The following SCARB2 variants were observed in gnomAD, a reference collection of about 807,000 sequenced individuals.
SCARB2 encodes lysosome membrane protein 2.
A neutral mutation model predicts 58.6 loss-of-function variants in SCARB2; 29 were observed. That is an observed-to-expected ratio of 0.49 (90% CI 0.37 to 0.67). The LOEUF is 0.67. SCARB2 is among the 30% of genes least tolerant of loss of function. SCARB2 has a pLI of 0.00. For missense variants in SCARB2, 488 were observed against 578.5 expected (o/e 0.84, Z 1.60); for synonymous variants, 195 against 210.1 (o/e 0.93, Z 0.62).
intron 9 of SCARB2, chr4:76,166,583 C>T (rs746784328): frequency 2.2e-5 from 11 of 508,608 alleles, no homozygotes; most frequent in East Asian, 3.6e-5. Flanking sequence ...AGGCTCCAGT[C>T]GACAGAACAA....
At chr4:76,217,610 GC>G (rs1427384114), upstream of SCARB2, 1 of 597,502 alleles carries the variant, frequency 1.7e-6, no homozygotes, top group Non-Finnish European at 3.0e-6. Context: ...CTCATCCAAT[GC>G]AGATGTCTGT....
In SCARB2 at chr4:76,189,262, T is replaced by C. The variant is rs140186328; in HGVS notation, c.275+6445A>G. 7.2e-5 allele frequency among the ~76,000 whole-genome samples: 11 copies of C among 152,320 alleles called. No individual in the cohort carries two copies. In the East Asian group the frequency reaches 1.9e-3, roughly 27 times the overall value. ...TGCAATTAGTCACTGTCATAATGGA[T>C]GCACATATTTATTAGTCTGTTCTCA... On this transcript the variant is annotated intron_variant, in intron 2 of 11. Transcript: ENST00000264896.
chr4:76,175,588 G>A, intron 6 of SCARB2: 1 of 630,634 alleles, frequency 1.6e-6, no homozygotes, highest in Non-Finnish European at 2.7e-6. Context: ...ATAAGTGGTA[G>A]AGCCAAGATT....
chr4:76,207,611 T>C (rs866422312), intron 1 of SCARB2, among the ~76,000 whole-genome samples: 1 of 152,214 alleles, frequency 6.6e-6, no homozygotes, highest in African/African-American at 2.4e-5. Flanking sequence ...GTTACCAGCT[T>C]GGATTAAAAA....
intron 1 of SCARB2, among the ~76,000 whole-genome samples, chr4:76,222,605 G>A (rs997224333): frequency 3.3e-5 from 5 of 152,106 alleles, no homozygotes; most frequent in East Asian, 1.9e-4. Context: ...CTCAAGTTCC[G>A]GGTAATCATC....
chr4:76,181,895 T>C (rs1732394240), intron 2 of SCARB2, among the ~76,000 whole-genome samples: 1 of 152,088 alleles, frequency 6.6e-6, no homozygotes, highest in Non-Finnish European at 1.5e-5. Flanking sequence ...ACAGTTTGGT[T>C]CAAGTTAGAG....
chr4:76,183,395 T>C lies in SCARB2; in HGVS notation c.276-2294A>G, dbSNP rs1732425033. On this transcript the variant is annotated intron_variant, in intron 2 of 11. Transcript: ENST00000264896. ...TGCTTCTGAACTAATGGCTATAAAT[T>C]GGGGTTCCCATCCCCCTGTGCTTGG... 1.3e-5 allele frequency among the ~76,000 whole-genome samples: 2 copies of C among 152,206 alleles called. 1 individual carries two copies. The highest frequency in any genetic ancestry group is 4.1e-4 in the South Asian group (2 of 4,836).
intron 1 of SCARB2, among the ~76,000 whole-genome samples, chr4:76,198,717 C>T (rs919795599): frequency 1.3e-5 from 2 of 152,150 alleles, no homozygotes; most frequent in South Asian, 4.1e-4. Flanking sequence ...TCAAATCTTG[C>T]CCTCAAGAGT....
chr4:76,185,771 A>T (rs778610281), intron 2 of SCARB2, among the ~76,000 whole-genome samples: 34 of 152,180 alleles, frequency 2.2e-4, no homozygotes. Context: ...CTCTGTTGAG[A>T]ATTACTATTA....
intron 1 of SCARB2, among the ~76,000 whole-genome samples, chr4:76,227,846 A>G (rs1008089605): frequency 1.2e-4 from 19 of 152,176 alleles, no homozygotes; most frequent in Admixed American, 3.3e-4. Flanking sequence ...AAGAATAGCT[A>G]TTCCTGCTTG....
At chr4:76,208,699 C>G (rs1444038768) in intron 1 of SCARB2, among the ~76,000 whole-genome samples, 3 of 152,120 alleles carry the variant, frequency 2.0e-5, no homozygotes, top group Non-Finnish European at 4.4e-5. Flanking sequence ...GGTTCTTGCC[C>G]TTTGATTTCT....
At chr4:76,167,133 G>A (rs965234684) in intron 9 of SCARB2, among the ~76,000 whole-genome samples, 4 of 152,136 alleles carry the variant, frequency 2.6e-5, no homozygotes, top group Non-Finnish European at 5.9e-5. Flanking sequence ...TCCAAATTAA[G>A]CTGCAGCATG....
At chr4:76,165,340 G>T (rs1450974209) in intron 10 of SCARB2, 2 of 152,060 alleles carry the variant, frequency 1.3e-5, no homozygotes, top group African/African-American at 4.8e-5. Flanking sequence ...GGAGAAAAAA[G>T]ATATAAAATT....
chr4:76,163,591 TC>T (rs1731944154), intron 10 of SCARB2: 1 of 605,178 alleles, frequency 1.7e-6, no homozygotes, highest in Admixed American at 2.9e-5. Context: ...TTTTTTTTAC[TC>T]TTAAAATAGA....
intron 2 of SCARB2, among the ~76,000 whole-genome samples, chr4:76,184,174 G>C (rs143687707): frequency 6.6e-6 from 1 of 152,152 alleles, no homozygotes; most frequent in Non-Finnish European, 1.5e-5. Context: ...TGGGGACACA[G>C]AGCACAGGCA....
rs777255296 is a variant in SCARB2 at position 76,161,767 on chromosome 4, G to C, written c.1399-16C>G. 2 of 1,614,030 alleles carry C rather than the reference G, an allele frequency of 1.2e-6. No homozygotes were observed. The highest frequency in any genetic ancestry group is 1.7e-6 in the Non-Finnish European group (2 of 1,179,916). On this transcript the variant is annotated splice_polypyrimidine_tract_variant and intron_variant, in intron 11 of 11. Coordinates refer to ENST00000264896, the MANE Select transcript of SCARB2 (RefSeq NM_005506.4). Reference sequence around the variant, plus strand: ...CCGCTGTTCCCTGAAACACAGAAGAGAGAAAACAAGTTAGATGTTCATGTC... The same window carrying C: ...CCGCTGTTCCCTGAAACACAGAAGACAGAAAACAAGTTAGATGTTCATGTC...
intron 1 of SCARB2, among the ~76,000 whole-genome samples, chr4:76,225,740 C>T (rs2109982594): frequency 6.6e-6 from 1 of 152,332 alleles, no homozygotes; most frequent in Admixed American, 6.5e-5. Flanking sequence ...ATGAAACTCA[C>T]TTGATCATGG....
chr4:76,159,229 T>C lies in SCARB2; in HGVS notation c.*2484A>G, dbSNP rs188268891. 6.6e-6 allele frequency: 1 copy of C among 152,350 alleles called. No homozygotes were observed. The highest frequency in any genetic ancestry group is 6.5e-5 in the Admixed American group (1 of 15,302). 9.4% of individuals were successfully genotyped at this position (152,350 alleles called of 1,614,324 possible). On this transcript the variant is annotated 3_prime_UTR_variant, in exon 12 of 12. Coordinates refer to ENST00000264896, the MANE Select transcript of SCARB2 (RefSeq NM_005506.4). ...TTGCATTCTGTGATCATGACAGTGC[T>C]TACAATCACAAAGCCTTTGGGGGTC...
chr4:76,233,270 A>G (rs1337055609), intron 1 of SCARB2, among the ~76,000 whole-genome samples: 1 of 147,258 alleles, frequency 6.8e-6, no homozygotes, highest in Non-Finnish European at 1.5e-5. Context: ...GGTTAGTTCC[A>G]TGTGTCCCCA....
Sources: allele counts gnomAD v4.1 joint callset (sites outside exome capture counted in the v4.1 genomes callset), GRCh38; gene constraint gnomAD v4.1.1; transcripts MANE v1.5; gene names NCBI Gene and HGNC (gene_info 2026-07-23, HGNC 2026-07-21).